The following HTT variants were observed in gnomAD, a reference collection of about 807,000 sequenced individuals.
The protein encoded by HTT is huntingtin.
A neutral mutation model predicts 362.3 loss-of-function variants in HTT; 104 were observed. The ratio of observed to expected loss-of-function variants is 0.29; its 90% CI spans 0.24 to 0.34. The LOEUF is 0.34. Ranked by LOEUF, HTT falls within the 10% of genes least tolerant of loss-of-function variation. The probability of loss-of-function intolerance (pLI) is 1.00; values close to 1 mark genes in which losing one functional copy is unlikely to be tolerated. For synonymous variants in HTT, 1,577 were observed against 1,548.7 expected (o/e 1.02, Z -0.43); for missense variants, 3,301 against 3,928.6 (o/e 0.84, Z 4.27).
In HTT at chr4:3,238,931, C is replaced by T. The variant is rs1262247384; in HGVS notation, c.9168C>T (p.Leu3056=). 1 of 1,610,636 alleles carries T rather than the reference C, an allele frequency of 6.2e-7. No individual in the cohort carries two copies. The highest frequency in any genetic ancestry group is 1.7e-5 in the Admixed American group (1 of 59,842). ...RAPVAMATWS[L]SCFFVSASTS... is the part of the protein sequence containing the mutation. ...CGGTCGCCATGGCCACGTGGAGCCT[C>T]TCCTGCTTCTTTGTCAGCGCGTCCA... The change falls in exon 66 of 67, where the codon CTC becomes CTT. Residue 3056 remains leucine (L), a synonymous_variant. Coordinates refer to ENST00000355072, the MANE Select transcript of HTT (RefSeq NM_001388492.1).
rs1433030998 is a variant in HTT at position 3,236,278 on chromosome 4, C to T, written c.8891+24C>T. 4 of 1,476,642 alleles carry T rather than the reference C, an allele frequency of 2.7e-6. No individual in the cohort carries two copies. The African/African-American group carries it at 5.5e-5, about 20-fold the overall frequency. 91.5% of individuals were successfully genotyped at this position (1,476,642 alleles called of 1,614,324 possible). A position where few individuals can be genotyped will look rare whatever the true frequency, so the allele number is the denominator to read the frequency against. On this transcript the variant is annotated intron_variant, in intron 64 of 66. Transcript: ENST00000355072. ...AGGTAAGAAGCGAAGCCCCATCCCT[C>T]AGCCGTTAGCTTCCCTAGAACTTTG...
At chr4:3,101,338 C>G (rs979388628) in intron 3 of HTT, among the ~76,000 whole-genome samples, 5 of 152,168 alleles carry the variant, frequency 3.3e-5, no homozygotes, top group African/African-American at 1.2e-4. Context: ...TTCCCATGTC[C>G]TCTTCTTTGT....
intron 49 of HTT, 142 bp from the exon 50 acceptor site, chr4:3,213,816 C>T (rs1720271415): frequency 1.6e-6 from 1 of 612,006 alleles, no homozygotes; most frequent in South Asian, 2.7e-5. Context: ...GGAGCCATGT[C>T]AGAGCTGTCC....
intron 7 of HTT, 126 bp downstream of exon 7, chr4:3,115,571 G>C: frequency 1.3e-6 from 1 of 751,710 alleles, no homozygotes; most frequent in Non-Finnish European, 2.2e-6. Context: ...GATTGAATGT[G>C]AACTGCACTG....
chr4:3,176,455 T>C (rs1718250486), intron 33 of HTT, among the ~76,000 whole-genome samples: 1 of 152,120 alleles, frequency 6.6e-6, no homozygotes, highest in African/African-American at 2.4e-5. Context: ...CCTCAGGAAA[T>C]AGTCATTGGG....
At chr4:3,148,688 C>T (rs1463194243) in intron 26 of HTT, among the ~76,000 whole-genome samples, 2 of 152,200 alleles carry the variant, frequency 1.3e-5, no homozygotes, top group Non-Finnish European at 2.9e-5. Flanking sequence ...GTCCCAGCTG[C>T]TCGGGAGGCT....
intron 29 of HTT, among the ~76,000 whole-genome samples, chr4:3,163,606 A>G (rs1353188574): frequency 1.3e-5 from 2 of 152,184 alleles, no homozygotes; most frequent in African/African-American, 2.4e-5. Context: ...AGAACCTGTT[A>G]TCAGTCTATT....
chr4:3,091,092 A>G (rs576379249), intron 2 of HTT, among the ~76,000 whole-genome samples: 1 of 152,360 alleles, frequency 6.6e-6, no homozygotes, highest in Non-Finnish European at 1.5e-5. Flanking sequence ...AGCCTGGGCG[A>G]CAAGAGCAAA....
chr4:3,233,333 C>T lies in HTT; in HGVS notation c.8436C>T (p.Ser2812=). The stretch of plus-strand genomic sequence containing the variant: ...CGGTCATCAGCGACTATCTCCTCTC[C>T]AACCTGAAAGGGATCGCCCAGTGAG... ...LIPVISDYLL[S]NLKGIAHCVN... The change falls in exon 61 of 67, where the codon TCC becomes TCT. Residue 2812 remains serine, a synonymous_variant. Transcript: ENST00000355072. 2 of 1,604,952 alleles carry T rather than the reference C, an allele frequency of 1.2e-6. No individual in the cohort carries two copies. Among genetic ancestry groups the T allele is most frequent in the Non-Finnish European group, 1.7e-6 (2 of 1,173,208 alleles).
chr4:3,226,230 C>T (rs1460875433), intron 57 of HTT, among the ~76,000 whole-genome samples: 1 of 152,252 alleles, frequency 6.6e-6, no homozygotes, highest in Non-Finnish European at 1.5e-5. Flanking sequence ...TGGGTGGGAG[C>T]CCCGTGTGCA....
intron 49 of HTT, 107 bp from the exon 50 acceptor site, chr4:3,213,851 A>G (rs1276013986): frequency 4.1e-6 from 4 of 976,328 alleles, no homozygotes; most frequent in Admixed American, 2.8e-5. Context: ...GGGCACCTGG[A>G]CGCGCTGCCC....
intron 27 of HTT, 120 bp from the exon 28 acceptor site, chr4:3,156,952 A>C: frequency 1.3e-6 from 1 of 766,858 alleles, no homozygotes; most frequent in Non-Finnish European, 2.0e-6. Context: ...AGGTCAGAGG[A>C]AATACTTGAA....
chr4:3,115,830 T>C (rs1467649733), intron 7 of HTT, among the ~76,000 whole-genome samples: 1 of 152,224 alleles, frequency 6.6e-6, no homozygotes, highest in African/African-American at 2.4e-5. Flanking sequence ...CACTGGCAAG[T>C]GCTGAAGCGA....
At chr4:3,102,272 G>A (rs538151742) in intron 3 of HTT, among the ~76,000 whole-genome samples, 4 of 152,344 alleles carry the variant, frequency 2.6e-5, no homozygotes, top group South Asian at 4.1e-4. Context: ...GGCCAGCAGC[G>A]TGCTGCCATC....
intron 47 of HTT, 132 bp from the exon 48 acceptor site, chr4:3,211,785 CTTAAAAATATTT>C (rs1720172465): frequency 1.6e-6 from 1 of 616,748 alleles, no homozygotes; most frequent in Non-Finnish European, 2.8e-6. Context: ...GTAGAATTTT[CTTAAAAATATTT>C]TTGATGGTAT....
At position 3,099,611 on chromosome 4, in the gene HTT, T is replaced by C. The variant is rs185439564; in HGVS notation, c.468+217T>C. ...ATTGTATGGTTTGGAGGTGCTCTGT[T>C]GTATGGTTTGGAGGTGCTCTTGTAT... On this transcript the variant is annotated intron_variant, in intron 3 of 66. Transcript: ENST00000355072. 3.4e-3 allele frequency among the ~76,000 whole-genome samples: 258 copies of C among 76,136 alleles called. 1 individual carries two copies. Among genetic ancestry groups the C allele is most frequent in the African/African-American group, 9.9e-3 (247 of 24,864 alleles). 49.9% of individuals were successfully genotyped at this position (76,136 alleles called of 152,430 possible). A position where few individuals can be genotyped will look rare whatever the true frequency, so the allele number is the denominator to read the frequency against.
intron 16 of HTT, 141 bp from the exon 17 acceptor site, chr4:3,132,421 G>C (rs1715864417): frequency 3.0e-6 from 2 of 664,472 alleles, no homozygotes; most frequent in African/African-American, 1.8e-5. Context: ...AATCACTTAG[G>C]GTTATTATAG....
At chr4:3,111,684 A>G (rs1047581939) in intron 6 of HTT, among the ~76,000 whole-genome samples, 4 of 151,988 alleles carry the variant, frequency 2.6e-5, no homozygotes, top group African/African-American at 9.7e-5. Flanking sequence ...TGTGCATCTC[A>G]CGTCTGTCCT....
chr4:3,191,622 T>C (rs542650756), intron 40 of HTT, among the ~76,000 whole-genome samples: 1 of 152,220 alleles, frequency 6.6e-6, no homozygotes, highest in South Asian at 2.1e-4. Context: ...ATGGTAGAGA[T>C]AGAGGTGGGG....
Sources: allele counts gnomAD v4.1 joint callset (sites outside exome capture counted in the v4.1 genomes callset), GRCh38; gene constraint gnomAD v4.1.1; transcripts MANE v1.5; gene names NCBI Gene and HGNC (gene_info 2026-07-23, HGNC 2026-07-21).